Variants in DBN1 observed in about 807,000 individuals in gnomAD.
The protein encoded by DBN1 is drebrin 1.
Under a neutral mutation model 83.5 loss-of-function variants are expected in DBN1, and 21 were observed. The ratio of observed to expected loss-of-function variants is 0.25; its 90% CI spans 0.18 to 0.36. The LOEUF (loss-of-function observed/expected upper bound fraction) is 0.36, where lower values mean the gene tolerates loss of function less well. Among genes scored for constraint, DBN1 ranks in the 10% least tolerant of loss-of-function variants. The pLI, the probability that DBN1 is intolerant of heterozygous loss-of-function variation, is 1.00. For synonymous variants in DBN1, 381 were observed against 384.9 expected (o/e 0.99, Z 0.12); for missense variants, 874 against 935.7 (o/e 0.93, Z 0.86).
rs188144649 is a variant in DBN1 at position 177,469,561 on chromosome 5, C to T, written c.87-662G>A. Among the ~76,000 whole-genome samples the T allele has an allele frequency of 1.4e-3, 207 of 152,358 alleles. 1 individual carries two copies. Among genetic ancestry groups the T allele is most frequent in the African/African-American group, 4.2e-3 (176 of 41,594 alleles). ...CCCCGGGGTGGCCAAGCCTGAGCTC[C>T]AGGCCTTCCAGCCCCTAGGCTGCCT... is the stretch of plus-strand genomic sequence containing the variant. On this transcript the variant is annotated intron_variant, in intron 1 of 14. Transcript: ENST00000393565.
chr5:177,458,876 A>G (rs1182220715), intron 12 of DBN1, among the ~76,000 whole-genome samples, 169 bp from the exon 13 acceptor site: 1 of 152,148 alleles, frequency 6.6e-6, no homozygotes, highest in Non-Finnish European at 1.5e-5. Flanking sequence ...CTCCGGGAGG[A>G]AGGCCAAGGC....
rs1479660279 is a variant in DBN1 at position 177,466,475 on chromosome 5, G to A, written c.771+297C>T. Among the ~76,000 whole-genome samples, 6 of 152,212 alleles carry A rather than the reference G, an allele frequency of 3.9e-5. No homozygotes were observed. The highest frequency in any genetic ancestry group is 7.2e-5 in the African/African-American group (3 of 41,458). On this transcript the variant is annotated intron_variant, in intron 8 of 14. Coordinates refer to ENST00000393565, the MANE Select transcript of DBN1 (RefSeq NM_001363541.2). The surrounding 1 kb of genome is among the most constrained non-coding windows in gnomAD (Gnocchi z 4.8). ...GAGTGCAGAACAGTGTCTAATCGCC[G>A]AGAAACCCCAGGGCAGGGGAGGGGG...
In DBN1 at chr5:177,460,438, G is replaced by A; in HGVS notation, c.949C>T (p.Arg317Ter). The A allele has an allele frequency of 1.2e-6, 2 of 1,613,830 alleles. No individual in the cohort carries two copies. The highest frequency in any genetic ancestry group is 1.7e-6 in the Non-Finnish European group (2 of 1,179,952). The stretch of plus-strand genomic sequence containing the variant: ...GGGTGGGGCCTAGGACTACCTGGTC[G>A]ATGGTTGAAGGGCGAGGGTACATCA... ...SCDVPSPFNH[R>*]PGRPYCPFIK... Residue 317 changes from arginine to a stop codon, truncating the protein, a stop_gained, in exon 10 of 15, where the codon CGA becomes TGA. Transcript: ENST00000393565. LOFTEE classifies it high-confidence loss of function.
At chr5:177,457,816 C>T in intron 13 of DBN1, 59 bp from the exon 14 acceptor site, 1 of 1,215,000 alleles carries the variant, frequency 8.2e-7, no homozygotes, top group Non-Finnish European at 1.2e-6. Context: ...GCTGACCTAT[C>T]AGGCCTGAGC....
At chr5:177,471,387 C>G (rs1406578543) in intron 1 of DBN1, among the ~76,000 whole-genome samples, 1 of 152,112 alleles carries the variant, frequency 6.6e-6, no homozygotes, top group Non-Finnish European at 1.5e-5. Flanking sequence ...TCCTGGGTCC[C>G]CTGCTCCCTG....
intron 1 of DBN1, among the ~76,000 whole-genome samples, chr5:177,470,732 C>T (rs1757784043): frequency 6.6e-6 from 1 of 152,230 alleles, no homozygotes; most frequent in African/African-American, 2.4e-5. Context: ...AGTGCTGGCC[C>T]CCAGCAGCCT....
In DBN1 at chr5:177,457,040, A is replaced by T. The variant is rs1756549052; in HGVS notation, c.*393T>A. The T allele has an allele frequency of 4.5e-6, 1 of 221,370 alleles. No individual in the cohort carries two copies. The highest frequency in any genetic ancestry group is 5.5e-5 in the Admixed American group (1 of 18,342). The allele number at this position is 221,370 out of a possible 1,614,324, so 13.7% of individuals were successfully genotyped here. ...ATATTTTCCCAAGAAACATAAAACT[A>T]GGAAAAGAGGTGGGGGACATTTTCC... is the stretch of plus-strand genomic sequence containing the variant. On this transcript the variant is annotated 3_prime_UTR_variant, in exon 15 of 15. Transcript: ENST00000393565.
rs1395257405 is a variant in DBN1, at chr5:177,458,589, G to C, written c.1383C>G (p.Gly461=). 1.9e-6 allele frequency: 3 copies of C among 1,613,544 alleles called. No individual in the cohort carries two copies. Among genetic ancestry groups the C allele is most frequent in the Non-Finnish European group, 2.5e-6 (3 of 1,179,684 alleles). ...TGAACATCAAGTCCTCTGCAGGGCT[G>C]CCTGGCCCCCGGGGAGGCGCCTGTG... ...PQAQAPPRGP[G]SPAEDLMFME... The change falls in exon 13 of 15, where the codon GGC becomes GGG. Residue 461 remains glycine, a synonymous_variant. Coordinates refer to ENST00000393565, the MANE Select transcript of DBN1 (RefSeq NM_001363541.2).
intron 1 of DBN1, chr5:177,472,531 G>A: frequency 1.4e-6 from 1 of 722,330 alleles, no homozygotes; most frequent in Non-Finnish European, 1.9e-6. Context: ...CAGCTCAGCG[G>A]GAGACAACAG....
intron 13 of DBN1, 134 bp downstream of exon 13, chr5:177,457,920 AGGGT>A (rs772109055): frequency 3.9e-6 from 3 of 763,574 alleles, no homozygotes; most frequent in Non-Finnish European, 5.9e-6. Flanking sequence ...CCAGGGAGGG[AGGGT>A]GGGATGGACT....
At position 177,467,822 on chromosome 5, in the gene DBN1, A is replaced by G. The variant is rs376242884; in HGVS notation, c.256-5T>C. The G allele has an allele frequency of 5.2e-5, 82 of 1,566,482 alleles. No individual in the cohort carries two copies. Among genetic ancestry groups the G allele is most frequent in the Non-Finnish European group, 6.7e-5 (77 of 1,155,988 alleles). On this transcript the variant is annotated splice_region_variant and splice_polypyrimidine_tract_variant and intron_variant, in intron 3 of 14. Coordinates refer to ENST00000393565, the MANE Select transcript of DBN1 (RefSeq NM_001363541.2). The surrounding 1 kb of genome is among the most constrained non-coding windows in gnomAD (Gnocchi z 9.1). Reference sequence around the variant, plus strand: ...ATCAGGCACATCTTCGCCCACCTGCAAAGTACCCAGCAAAGAGGGGGTCAG... The same window carrying G: ...ATCAGGCACATCTTCGCCCACCTGCGAAGTACCCAGCAAAGAGGGGGTCAG...
At chr5:177,472,969 G>C (rs1757957152) in intron 1 of DBN1, 1 of 445,240 alleles carries the variant, frequency 2.2e-6, no homozygotes, top group Admixed American at 6.4e-5. Flanking sequence ...CCTTTGTGCT[G>C]TGGCCGGGCC....
chr5:177,458,761 G>A lies in DBN1; in HGVS notation c.1265-54C>T, dbSNP rs1756770608. 22 of 1,414,322 alleles carry A rather than the reference G, an allele frequency of 1.6e-5. No homozygotes were observed. In the South Asian group the frequency reaches 2.4e-4, roughly 15 times the overall value. The allele number at this position is 1,414,322 out of a possible 1,614,324, so 87.6% of individuals were successfully genotyped here. ...TAACCGGCTCCCCTCGGGGAGGATGGAGACCCTGCCCACCCACTAAGGAGT... is the reference window on the plus strand; with the variant it reads ...TAACCGGCTCCCCTCGGGGAGGATGAAGACCCTGCCCACCCACTAAGGAGT... On this transcript the variant is annotated intron_variant, in intron 12 of 14. Transcript: ENST00000393565.
At position 177,466,737 on chromosome 5, in the gene DBN1, G is replaced by A; in HGVS notation, c.771+35C>T. On this transcript the variant is annotated intron_variant, in intron 8 of 14. Transcript: ENST00000393565. The surrounding 1 kb of genome is among the most constrained non-coding windows in gnomAD (Gnocchi z 4.8). Reference sequence around the variant, plus strand: ...ACACAGGGACCATTCTCACTTCCCTGACCCAGAGACCGGGAGCCTTGGCAA... The same window carrying A: ...ACACAGGGACCATTCTCACTTCCCTAACCCAGAGACCGGGAGCCTTGGCAA... 1 of 1,611,918 alleles carries A rather than the reference G, an allele frequency of 6.2e-7. No individual in the cohort carries two copies. Among genetic ancestry groups the A allele is most frequent in the Non-Finnish European group, 8.5e-7 (1 of 1,177,962 alleles).
In DBN1 at chr5:177,459,088, C is replaced by G; in HGVS notation, c.1264+10G>C. Reference sequence around the variant, plus strand: ...TGGGAGGCCTGGTGCAGGTAGCATCCCTCTCTCACCTTGGGCTGGTGGGGG... The same window carrying G: ...TGGGAGGCCTGGTGCAGGTAGCATCGCTCTCTCACCTTGGGCTGGTGGGGG... On this transcript the variant is annotated intron_variant, in intron 12 of 14. Coordinates refer to ENST00000393565, the MANE Select transcript of DBN1 (RefSeq NM_001363541.2). The G allele has an allele frequency of 6.3e-7, 1 of 1,595,688 alleles. No homozygotes were observed. The highest frequency in any genetic ancestry group is 1.1e-5 in the South Asian group (1 of 89,062).
At chr5:177,468,291 A>G (rs1757611718) in intron 2 of DBN1, 71 bp from the exon 3 acceptor site, 1 of 1,384,242 alleles carries the variant, frequency 7.2e-7, no homozygotes, top group South Asian at 1.2e-5. Flanking sequence ...TGGAACTCAA[A>G]GCAAAGACTC....
intron 8 of DBN1, chr5:177,462,407 G>A (rs1757116360): frequency 1.0e-6 from 1 of 985,488 alleles, no homozygotes; most frequent in African/African-American, 1.7e-5. Context: ...GCTTCCTGGG[G>A]AAGGACCTCT....
chr5:177,470,128 C>T (rs1466092983), intron 1 of DBN1, among the ~76,000 whole-genome samples: 1 of 152,202 alleles, frequency 6.6e-6, no homozygotes, highest in Non-Finnish European at 1.5e-5. Flanking sequence ...TTCCCGGCTT[C>T]CTACCTCCAG....
chr5:177,465,673 T>C (rs1757394168), intron 8 of DBN1, among the ~76,000 whole-genome samples: 1 of 152,006 alleles, frequency 6.6e-6, no homozygotes. Flanking sequence ...CTGGCCAACA[T>C]GGTGAAACCC....
Sources: gnomAD v4.1 joint callset for allele counts (sites outside exome capture counted in the v4.1 genomes callset) on GRCh38, gnomAD v4.1.1 for gene constraint, Gnocchi (gnomAD v3.1) non-coding constraint, MANE v1.5 for transcripts, NCBI Gene and HGNC (gene_info 2026-07-23, HGNC 2026-07-21) for gene names.